The following PRR14L variants were observed in gnomAD, a reference collection of about 807,000 sequenced individuals.
PRR14L encodes proline rich 14 like.
In PRR14L, 80 loss-of-function variants were observed where a neutral mutation model predicts 155.0. The observed-to-expected ratio is 0.52, with a 90% confidence interval of 0.43 to 0.62. The LOEUF is 0.62. Ranked by LOEUF, PRR14L falls within the 20% of genes least tolerant of loss-of-function variation. The probability of loss-of-function intolerance (pLI) is 0.00; values close to 1 mark genes in which losing one functional copy is unlikely to be tolerated. For missense variants in PRR14L, 2,469 were observed against 2,548.0 expected (o/e 0.97, Z 0.67); for synonymous variants, 883 against 916.0 (o/e 0.96, Z 0.65).
intron 1 of PRR14L, among the ~76,000 whole-genome samples, chr22:31,739,216 G>A (rs924067722): frequency 2.0e-5 from 3 of 152,136 alleles, no homozygotes; most frequent in African/African-American, 7.2e-5. Flanking sequence ...AAGCATCCAA[G>A]GATAGACCTG....
In PRR14L at chr22:31,715,241, G is replaced by C. The variant is rs1302884711; in HGVS notation, c.2598C>G (p.Ser866Arg). 6 of 1,552,290 alleles carry C rather than the reference G, an allele frequency of 3.9e-6. No individual in the cohort carries two copies. In the East Asian group the frequency reaches 9.8e-5, roughly 25 times the overall value. ...TGTTTCTGATCTTATCTCCTGGAAGGCTGCCATTCGTTTCTTTCCCATCAA... is the reference window on the plus strand; with the variant it reads ...TGTTTCTGATCTTATCTCCTGGAAGCCTGCCATTCGTTTCTTTCCCATCAA... ...RELDGKETNG[S>R]LPGDKIRNKM... is the part of the protein sequence containing the mutation. Residue 866 changes from serine (S) to arginine (R), a missense_variant, in exon 4 of 9, where the codon AGC (serine) becomes AGG (arginine). Around this residue, in one of 2 missense-constraint regions of PRR14L, gnomAD observed 2,363 missense variants for 2,371.6 expected, o/e 1.00. Coordinates refer to ENST00000327423, the MANE Select transcript of PRR14L (RefSeq NM_173566.3).
At chr22:31,722,288 C>T (rs1488367094) in intron 3 of PRR14L, among the ~76,000 whole-genome samples, 7 of 151,500 alleles carry the variant, frequency 4.6e-5, no homozygotes, top group African/African-American at 1.2e-4. Flanking sequence ...AAAAATCAGC[C>T]GGGCATGGTG....
chr22:31,744,020 T>TAA (rs750855516), intron 1 of PRR14L, among the ~76,000 whole-genome samples: 133 of 131,780 alleles, frequency 1.0e-3, no homozygotes, highest in African/African-American at 3.2e-3. Context: ...GCTCATTCAT[T>TAA]AAAAAAAAAA....
intron 2 of PRR14L, among the ~76,000 whole-genome samples, chr22:31,730,368 C>T (rs142889714): frequency 4.6e-5 from 7 of 152,192 alleles, no homozygotes; most frequent in East Asian, 3.9e-4. Context: ...AACCGGGACC[C>T]GGGAGGCGAA....
chr22:31,707,032 A>C (rs762592008), intron 4 of PRR14L, among the ~76,000 whole-genome samples: 3 of 151,960 alleles, frequency 2.0e-5, no homozygotes, highest in African/African-American at 7.2e-5. Flanking sequence ...TTGGGAGACA[A>C]GAGTGAAACT....
At chr22:31,705,326 T>C (rs553793652) in intron 4 of PRR14L, among the ~76,000 whole-genome samples, 35 of 152,186 alleles carry the variant, frequency 2.3e-4, no homozygotes, top group Admixed American at 5.2e-4. Context: ...TACTGACTAA[T>C]AAAATCTGAC....
At chr22:31,747,081 G>A (rs1454265114) in intron 1 of PRR14L, among the ~76,000 whole-genome samples, 1 of 151,400 alleles carries the variant, frequency 6.6e-6, no homozygotes, top group African/African-American at 2.4e-5. Flanking sequence ...TGGGATTACA[G>A]GTGTGAGCCA....
intron 1 of PRR14L, among the ~76,000 whole-genome samples, chr22:31,747,490 A>G (rs1271240879): frequency 6.7e-6 from 1 of 149,706 alleles, no homozygotes; most frequent in African/African-American, 2.5e-5. Context: ...TACTAGATGC[A>G]GAGTCTTGAG....
intron 1 of PRR14L, among the ~76,000 whole-genome samples, chr22:31,743,775 C>A (rs899671159): frequency 1.3e-5 from 2 of 150,952 alleles, no homozygotes; most frequent in Non-Finnish European, 1.5e-5. Flanking sequence ...GCACTCCAGA[C>A]TGGGTGACAC....
rs984342330 is a variant in PRR14L at position 31,682,780 on chromosome 22, A to G, written c.*2747T>C. 6.6e-6 allele frequency: 1 copy of G among 152,092 alleles called. No homozygotes were observed. The highest frequency in any genetic ancestry group is 6.6e-5 in the Admixed American group (1 of 15,248). 9.4% of individuals were successfully genotyped at this position (152,092 alleles called of 1,614,324 possible). ...TGGGGAGGGAAGTTCCCATACTCAGAAACTGTACCAACTCCACCCCAGAAC... is the reference window on the plus strand; with the variant it reads ...TGGGGAGGGAAGTTCCCATACTCAGGAACTGTACCAACTCCACCCCAGAAC... On this transcript the variant is annotated 3_prime_UTR_variant, in exon 9 of 9. Transcript: ENST00000327423.
chr22:31,733,389 C>CCGCCTTCCACCTTA (rs919586792), intron 2 of PRR14L, among the ~76,000 whole-genome samples: 8 of 146,574 alleles, frequency 5.5e-5, no homozygotes, highest in Non-Finnish European at 9.0e-5. Flanking sequence ...ACTGCAACCT[C>CCGCCTTCCACCTTA]CGCCTTTGGG....
intron 1 of PRR14L, among the ~76,000 whole-genome samples, chr22:31,742,225 C>A (rs1439828026): frequency 1.3e-5 from 2 of 152,132 alleles, no homozygotes; most frequent in African/African-American, 2.4e-5. Flanking sequence ...TCTCTGCCAC[C>A]TTATGCATCT....
chr22:31,740,000 A>G (rs912152672), intron 1 of PRR14L, among the ~76,000 whole-genome samples: 10 of 149,750 alleles, frequency 6.7e-5, no homozygotes, highest in Admixed American at 3.3e-4. Flanking sequence ...TAAGTAGGGG[A>G]AAAAAAAAAT....
chr22:31,703,768 C>T (rs1009905653), intron 5 of PRR14L, 47 bp from the exon 6 acceptor site: 3 of 1,176,554 alleles, frequency 2.5e-6, no homozygotes, highest in East Asian at 2.7e-5. Context: ...TCCCTTTCTA[C>T]TTCCAGCACA....
intron 7 of PRR14L, among the ~76,000 whole-genome samples, chr22:31,690,458 T>C (rs11089523): frequency 0.069 from 10,447 of 152,150 alleles, 449 homozygotes; most frequent in South Asian, 0.18. Flanking sequence ...GTGCTGGAAT[T>C]ACAAGCGTGA....
In PRR14L at chr22:31,703,609, G is replaced by A; in HGVS notation, c.5941C>T (p.Leu1981=). Residue 1981 remains leucine, a synonymous_variant, in exon 6 of 9, where the codon CTG becomes TTG. Transcript: ENST00000327423. ...GGGCATGCTGCTTTCACACCATCCA[G>A]CTCATCCAATCCACGAACCTGGAAC... ...SEFQVRGLDE[L]DGVKAACPCP... is the part of the protein sequence containing the mutation. The A allele has an allele frequency of 6.2e-7, 1 of 1,613,900 alleles. No homozygotes were observed. Among genetic ancestry groups the A allele is most frequent in the Non-Finnish European group, 8.5e-7 (1 of 1,179,906 alleles).
chr22:31,715,547 TTC>T lies in PRR14L; in HGVS notation c.2290_2291del (p.Glu764SerfsTer23). On this transcript the variant is annotated frameshift_variant, in exon 4 of 9. Transcript: ENST00000327423. LOFTEE classifies it high-confidence loss of function. ...AGACCACTTGAGGAAAGCCAGCTGC[TTC>T]TCTCTTATTTGAGCGCAGCCTGGAA... Reference protein sequence around the residue: ...LHSRLRSNKREAAGFPQVVSV... With the variant: ...LHSRLRSNKRXAAGFPQVVSV... The T allele has an allele frequency of 6.4e-7, 1 of 1,552,144 alleles. No individual in the cohort carries two copies. Among genetic ancestry groups the T allele is most frequent in the Non-Finnish European group, 8.7e-7 (1 of 1,147,062 alleles).
intron 7 of PRR14L, 121 bp downstream of exon 7, chr22:31,701,535 G>A (rs2074563238): frequency 1.7e-6 from 1 of 588,246 alleles, no homozygotes; most frequent in Non-Finnish European, 3.0e-6. Flanking sequence ...TAATTCTTTA[G>A]GATAAATTCC....
chr22:31,725,495 T>G, intron 3 of PRR14L, 43 bp downstream of exon 3: 2 of 1,284,098 alleles, frequency 1.6e-6, no homozygotes, highest in Non-Finnish European at 2.2e-6. Context: ...AAACAGTATT[T>G]GCAGTAAGTG....
Sources: gnomAD v4.1 joint callset for allele counts (sites outside exome capture counted in the v4.1 genomes callset) on GRCh38, gnomAD v4.1.1 for gene constraint, gnomAD v4.1.1 regional missense constraint, MANE v1.5 for transcripts, NCBI Gene and HGNC (gene_info 2026-07-23, HGNC 2026-07-21) for gene names.